The following LRRC4C variants were observed in gnomAD, a reference collection of about 807,000 sequenced individuals.
The protein encoded by LRRC4C is leucine-rich repeat-containing protein 4C.
Under a neutral mutation model 33.6 loss-of-function variants are expected in LRRC4C, and 5 were observed. The ratio of observed to expected loss-of-function variants is 0.15; its 90% CI spans 0.08 to 0.31. The LOEUF is 0.31. Ranked by LOEUF, LRRC4C falls within the 10% of genes least tolerant of loss-of-function variation. The pLI is 1.00. For synonymous variants in LRRC4C, 329 were observed against 302.0 expected (o/e 1.09, Z -0.93); for missense variants, 560 against 796.7 (o/e 0.70, Z 3.58).
chr11:41,242,559 A>G (rs1215037183), intron 1 of LRRC4C, among the ~76,000 whole-genome samples: 2 of 152,172 alleles, frequency 1.3e-5, no homozygotes. Context: ...TAGAGGAAAT[A>G]ACAAAGTAAT....
At chr11:41,007,888 A>C (rs1353855367) in intron 1 of LRRC4C, among the ~76,000 whole-genome samples, 4 of 151,918 alleles carry the variant, frequency 2.6e-5, no homozygotes, top group Non-Finnish European at 5.9e-5. Context: ...CCCAAAGCCT[A>C]CTCTGATGAT....
intron 2 of LRRC4C, among the ~76,000 whole-genome samples, chr11:40,865,316 G>A (rs866964699): frequency 1.3e-5 from 2 of 152,016 alleles, no homozygotes; most frequent in East Asian, 3.9e-4. Context: ...GGGGAAGTTG[G>A]GGAGATGCTG....
In LRRC4C at chr11:40,469,661, C is replaced by T. The variant is rs139406511; in HGVS notation, c.-269-149940G>A. Among the ~76,000 whole-genome samples the T allele has an allele frequency of 4.5e-3, 684 of 152,292 alleles. 6 individuals carry two copies. The highest frequency in any genetic ancestry group is 0.016 in the African/African-American group (665 of 41,558). ...AAATTCTTGCTGCCAGGACAGCAGT[C>T]TGAAGTCTACCAGAAACACTTGAGT... On this transcript the variant is annotated intron_variant, in intron 3 of 6. Transcript: ENST00000528697.
intron 2 of LRRC4C, among the ~76,000 whole-genome samples, chr11:40,703,253 G>T (rs1291071090): frequency 6.6e-6 from 1 of 151,960 alleles, no homozygotes; most frequent in Admixed American, 6.6e-5. Context: ...GGTCCAAAAT[G>T]TAATAACACA....
In LRRC4C at chr11:40,421,268, T is replaced by G. The variant is rs960652313; in HGVS notation, c.-269-101547A>C. On this transcript the variant is annotated intron_variant, in intron 3 of 6. Coordinates refer to ENST00000528697, the MANE Select transcript of LRRC4C (RefSeq NM_001258419.2). Reference sequence around the variant, plus strand: ...TTCTTATTCTAGAAATAGCTTTCTCTCCAGGAGCACAAGTATTAGACAATT... The same window carrying G: ...TTCTTATTCTAGAAATAGCTTTCTCGCCAGGAGCACAAGTATTAGACAATT... Among the ~76,000 whole-genome samples, 3 of 152,350 alleles carry G rather than the reference T, an allele frequency of 2.0e-5. No individual in the cohort carries two copies. In the South Asian group the frequency reaches 6.2e-4, roughly 32 times the overall value.
At chr11:41,276,340 T>C (rs1477027205) in intron 1 of LRRC4C, among the ~76,000 whole-genome samples, 1 of 133,258 alleles carries the variant, frequency 7.5e-6, no homozygotes, top group Non-Finnish European at 1.8e-5. Flanking sequence ...TTTTAGCTCC[T>C]TGAACATGCC....
chr11:40,256,207 C>A (rs1468599993), intron 4 of LRRC4C, among the ~76,000 whole-genome samples: 1 of 152,166 alleles, frequency 6.6e-6, no homozygotes, highest in African/African-American at 2.4e-5. Flanking sequence ...GAGTAGAAAA[C>A]AATCCACTCT....
At chr11:40,452,775 C>A (rs2138096192) in intron 3 of LRRC4C, among the ~76,000 whole-genome samples, 1 of 152,204 alleles carries the variant, frequency 6.6e-6, no homozygotes, top group East Asian at 1.9e-4. Context: ...AGACTTGGAA[C>A]CAAGCCAAAT....
intron 1 of LRRC4C, among the ~76,000 whole-genome samples, chr11:41,196,512 G>A (rs1318598664): frequency 2.0e-5 from 3 of 151,818 alleles, no homozygotes; most frequent in Non-Finnish European, 4.4e-5. Context: ...GAAAGAATGA[G>A]TTCATTGTTA....
intron 2 of LRRC4C, among the ~76,000 whole-genome samples, chr11:40,811,985 G>A (rs181080742): frequency 1.1e-3 from 166 of 152,266 alleles, no homozygotes; most frequent in Non-Finnish European, 9.7e-4. Flanking sequence ...TATTATTAAT[G>A]AGACTTAGTT....
rs1170933002 is a variant in LRRC4C, at chr11:40,948,914, C to A, written c.-495-15191G>T. 1.8e-4 allele frequency among the ~76,000 whole-genome samples: 28 copies of A among 152,154 alleles called. No individual in the cohort carries two copies. The East Asian group carries it at 4.1e-3, about 22-fold the overall frequency. Reference sequence around the variant, plus strand: ...GGGATGGCTGGGTCAAATGGTATTTCTAGTTCTAGATCCCTGAGGAATTGC... The same window carrying A: ...GGGATGGCTGGGTCAAATGGTATTTATAGTTCTAGATCCCTGAGGAATTGC... On this transcript the variant is annotated intron_variant, in intron 1 of 6. Coordinates refer to ENST00000528697, the MANE Select transcript of LRRC4C (RefSeq NM_001258419.2).
chr11:40,864,968 A>G (rs1163263087), intron 2 of LRRC4C, among the ~76,000 whole-genome samples: 1 of 152,216 alleles, frequency 6.6e-6, no homozygotes, highest in African/African-American at 2.4e-5. Context: ...TGATCAAACC[A>G]TAACAAAAAG....
rs80024070 is a variant in LRRC4C at position 40,248,150 on chromosome 11, G to C, written c.-175-6552C>G. ...CTCTCTGCCTTTTCATCCTTCCCTG[G>C]CTAAAGCAGGCTCATTCTTCTGGGT... is the stretch of plus-strand genomic sequence containing the variant. On this transcript the variant is annotated intron_variant, in intron 4 of 6. Coordinates refer to ENST00000528697, the MANE Select transcript of LRRC4C (RefSeq NM_001258419.2). Among the ~76,000 whole-genome samples the C allele has an allele frequency of 4.4e-4, 67 of 151,938 alleles. 1 individual carries two copies. Among genetic ancestry groups the C allele is most frequent in the African/African-American group, 1.6e-3 (66 of 41,460 alleles).
intron 1 of LRRC4C, among the ~76,000 whole-genome samples, chr11:41,385,124 C>T (rs760263865): frequency 6.6e-6 from 1 of 150,928 alleles, no homozygotes; most frequent in African/African-American, 2.4e-5. Context: ...TCCATAATGT[C>T]AGAGAACTAC....
At chr11:40,796,718 C>T (rs1950847173) in intron 2 of LRRC4C, among the ~76,000 whole-genome samples, 1 of 145,474 alleles carries the variant, frequency 6.9e-6, no homozygotes, top group Non-Finnish European at 1.5e-5. Context: ...GCGACCTTGG[C>T]TCACTGTAAC....
rs554958534 is a variant in LRRC4C at position 40,586,793 on chromosome 11, G to C, written c.-270+61349C>G. On this transcript the variant is annotated intron_variant, in intron 3 of 6. Transcript: ENST00000528697. ...AAAGATCAGATAGTTGTATATATGC[G>C]GCGTTATTTCTGAGGGCTCTGTTCT... is the stretch of plus-strand genomic sequence containing the variant. Among the ~76,000 whole-genome samples the C allele has an allele frequency of 5.1e-4, 77 of 151,924 alleles. 1 individual carries two copies. The highest frequency in any genetic ancestry group is 1.2e-3 in the South Asian group (6 of 4,802).
intron 1 of LRRC4C, among the ~76,000 whole-genome samples, chr11:41,078,576 T>C (rs556771269): frequency 5.3e-5 from 8 of 151,890 alleles, no homozygotes; most frequent in African/African-American, 1.9e-4. Flanking sequence ...AGCAAAGGGG[T>C]AGGTGCCACA....
At chr11:41,408,950 G>A (rs1483161792) in intron 1 of LRRC4C, among the ~76,000 whole-genome samples, 5 of 152,070 alleles carry the variant, frequency 3.3e-5, no homozygotes, top group African/African-American at 9.7e-5. Context: ...TAAAGGCAAC[G>A]CAGCTTTCTG....
chr11:40,930,778 C>T (rs192655989), intron 2 of LRRC4C, among the ~76,000 whole-genome samples: 14 of 152,262 alleles, frequency 9.2e-5, no homozygotes, highest in African/African-American at 3.4e-4. Flanking sequence ...CATTTACATC[C>T]AAGTCTAAAA....
Sources: allele counts gnomAD v4.1 joint callset (sites outside exome capture counted in the v4.1 genomes callset), GRCh38; gene constraint gnomAD v4.1.1; transcripts MANE v1.5; gene names NCBI Gene and HGNC (gene_info 2026-07-23, HGNC 2026-07-21).